The following RHOBTB2 variants were observed in gnomAD, a reference collection of about 807,000 sequenced individuals.
RHOBTB2 encodes Rho related BTB domain containing 2, also known as rho-related BTB domain-containing protein 2.
Under a neutral mutation model 66.5 loss-of-function variants are expected in RHOBTB2, and 39 were observed. The observed-to-expected ratio is 0.59, with a 90% CI of 0.45 to 0.77. The LOEUF (loss-of-function observed/expected upper bound fraction) is 0.77, where lower values mean the gene tolerates loss of function less well. Among genes scored for constraint, RHOBTB2 ranks in the 30% least tolerant of loss-of-function variants. The probability of loss-of-function intolerance (pLI) is 0.00; values close to 1 mark genes in which losing one functional copy is unlikely to be tolerated. For synonymous variants in RHOBTB2, 390 were observed against 395.0 expected, an observed-to-expected ratio of 0.99 and a Z score of 0.15; for missense variants, 755 against 999.1, an observed-to-expected ratio of 0.76 and a Z score of 3.29.
chr8:22,973,270 C>T, the RHOBTB2 span, among the ~76,000 whole-genome samples: 1 of 152,056 alleles, frequency 6.6e-6, no homozygotes, highest in Non-Finnish European at 1.5e-5. Context: ...ACTCCCTTGC[C>T]CAAGCTGGAG....
chr8:22,995,909 G>C (rs755469192), upstream of RHOBTB2: 1 of 1,549,862 alleles, frequency 6.5e-7, no homozygotes, highest in Non-Finnish European at 8.7e-7. Context: ...GTGTTGAAGG[G>C]TAAAGCTGCC....
chr8:22,977,288 A>G, the RHOBTB2 span, among the ~76,000 whole-genome samples: 1 of 152,078 alleles, frequency 6.6e-6, no homozygotes, highest in Non-Finnish European at 1.5e-5. Flanking sequence ...CTCAATAGAT[A>G]TTTGTCGAAG....
At chr8:22,996,051 C>T (rs966361855), upstream of RHOBTB2, among the ~76,000 whole-genome samples, 2 of 152,164 alleles carry the variant, frequency 1.3e-5, no homozygotes, top group African/African-American at 4.8e-5. Flanking sequence ...GAGCCTGCTG[C>T]GCTTTGCTAA....
upstream of RHOBTB2, among the ~76,000 whole-genome samples, chr8:22,984,014 G>T (rs1332042896): frequency 6.6e-6 from 1 of 152,142 alleles, no homozygotes; most frequent in Admixed American, 6.5e-5. Context: ...GATTACAGGC[G>T]TGAGCCACTG....
chr8:22,984,500 C>A (rs1810259712), upstream of RHOBTB2: 1 of 152,226 alleles, frequency 6.6e-6, no homozygotes, highest in South Asian at 2.1e-4. Context: ...GTGACTATAG[C>A]AGAAGGAGAC....
Position 23,007,290 on chromosome 8 carries a change from G to T in RHOBTB2, c.1045G>T (p.Glu349Ter). The T allele has an allele frequency of 6.2e-7, 1 of 1,613,720 alleles. No homozygotes were observed. Among genetic ancestry groups the T allele is most frequent in the South Asian group, 1.1e-5 (1 of 91,058 alleles). The change falls in exon 5 of 10, where the codon GAG (glutamate) becomes TAG (stop). Residue 349 changes from glutamate to a stop codon, truncating the protein, a stop_gained. Transcript: ENST00000251822. LOFTEE classifies it high-confidence loss of function. ...LLRAASFDVC[E>*]SVDEAGGSGP... The stretch of plus-strand genomic sequence containing the variant: ...CCGAGCAGCCAGCTTTGACGTGTGC[G>T]AGAGCGTGGATGAGGCTGGGGGCTC...
At chr8:23,000,603 G>A (rs1266159210) in intron 1 of RHOBTB2, among the ~76,000 whole-genome samples, 1 of 152,086 alleles carries the variant, frequency 6.6e-6, no homozygotes, top group African/African-American at 2.4e-5. Context: ...AGGTTTGAGG[G>A]GGCTTATCTG....
chr8:23,009,468 T>C (rs1811072010), intron 6 of RHOBTB2, among the ~76,000 whole-genome samples: 1 of 152,306 alleles, frequency 6.6e-6, no homozygotes, highest in South Asian at 2.1e-4. Flanking sequence ...TCGTCGAACC[T>C]TGTAGTTAAC....
Position 23,010,591 on chromosome 8 carries a change from C to G in RHOBTB2, c.1674C>G (p.Leu558=), listed in dbSNP as rs1352537726. The stretch of plus-strand genomic sequence containing the variant: ...GCATGCGGGCCGTGCTGGAATACCT[C>G]TACACCGGCATGTTCACCTCCAGCC... ...KSCMRAVLEY[L]YTGMFTSSPD... Residue 558 remains leucine, a synonymous_variant, in exon 7 of 10, where the codon CTC becomes CTG. Transcript: ENST00000251822. The G allele has an allele frequency of 1.2e-6, 2 of 1,614,060 alleles. No homozygotes were observed. Among genetic ancestry groups the G allele is most frequent in the Non-Finnish European group, 8.5e-7 (1 of 1,180,016 alleles).
At chr8:22,998,965 G>A (rs1467019437), upstream of RHOBTB2, 1 of 152,336 alleles carries the variant, frequency 6.6e-6, no homozygotes, top group Non-Finnish European at 1.5e-5. Flanking sequence ...AACAGGAGGG[G>A]GATGGGATGG....
Position 23,004,787 on chromosome 8 carries a change from G to T in RHOBTB2, c.192+161G>T, listed in dbSNP as rs996305729. On this transcript the variant is annotated intron_variant, in intron 2 of 9. Transcript: ENST00000251822. This position sits in a 1 kb window ranked among gnomAD's most constrained non-coding sequence, Gnocchi z 6.4. The stretch of plus-strand genomic sequence containing the variant: ...AAGAGGAAGGAGCCCCTGGAGAGAG[G>T]TTTAAGCCAAGTCTGCCCCAGGGAA... The T allele has an allele frequency of 4.4e-6, 3 of 686,858 alleles. No individual in the cohort carries two copies. Among genetic ancestry groups the T allele is most frequent in the Non-Finnish European group, 4.9e-6 (2 of 408,290 alleles). The allele number at this position is 686,858 out of a possible 1,614,324, so 42.5% of individuals were successfully genotyped here.
At chr8:22,984,430 T>C (rs991583024), upstream of RHOBTB2, among the ~76,000 whole-genome samples, 1 of 152,236 alleles carries the variant, frequency 6.6e-6, no homozygotes, top group African/African-American at 2.4e-5. Context: ...TGTTGTGTTT[T>C]ATGACTTAGA....
chr8:22,960,956 T>C, the RHOBTB2 span, among the ~76,000 whole-genome samples: 1 of 152,238 alleles, frequency 6.6e-6, no homozygotes, highest in Non-Finnish European at 1.5e-5. Context: ...CCCCTACTTG[T>C]TAGCCTGCTT....
Position 23,004,617 on chromosome 8 carries a change from G to T in RHOBTB2, c.183G>T (p.Val61=). The change falls in exon 2 of 10, where the codon GTG becomes GTT. Residue 61 remains valine, a synonymous_variant. Coordinates refer to ENST00000251822, the MANE Select transcript of RHOBTB2 (RefSeq NM_015178.3). This position sits in a 1 kb window ranked among gnomAD's most constrained non-coding sequence, Gnocchi z 6.4. The part of the protein sequence containing the change: ...PTVWAIDQYR[V]CQEVLERSRD... ...TATGGGCCATCGACCAATATCGTGT[G>T]TGCCAGGAGGTAAGGCTGCAGGACT... 1 of 1,613,004 alleles carries T rather than the reference G, an allele frequency of 6.2e-7. No individual in the cohort carries two copies. Among genetic ancestry groups the T allele is most frequent in the African/African-American group, 1.3e-5 (1 of 75,018 alleles).
In RHOBTB2 at chr8:23,008,080, G is replaced by A. The variant is rs1255503970; in HGVS notation, c.1589G>A (p.Gly530Glu). 1.2e-6 allele frequency: 2 copies of A among 1,612,810 alleles called. No homozygotes were observed. The highest frequency in any genetic ancestry group is 2.7e-5 in the African/African-American group (2 of 74,828). Residue 530 changes from glycine (G) to glutamate (E), a missense_variant, in exon 6 of 10, where the codon GGG becomes GAG. By Grantham distance (98) the Gly-to-Glu change is moderately conservative. Transcript: ENST00000251822. ...TGTGACTGGATGGCTGCCATGTTTG[G>A]GGGGCCATTTGTGGAGAGCTCCACC... ...SSCDWMAAMF[G>E]GPFVESSTRE...
chr8:22,982,290 A>G, the RHOBTB2 span, among the ~76,000 whole-genome samples: 6 of 152,014 alleles, frequency 3.9e-5, no homozygotes, highest in Non-Finnish European at 8.8e-5. Flanking sequence ...CTGCTCTACC[A>G]TCTCCTTCCA....
At chr8:22,963,851 G>A in the RHOBTB2 span, among the ~76,000 whole-genome samples, 1 of 151,888 alleles carries the variant, frequency 6.6e-6, no homozygotes, top group Non-Finnish European at 1.5e-5. Flanking sequence ...ATGTGATCTT[G>A]GCTCACCACA....
Position 23,007,664 on chromosome 8 carries a change from C to T in RHOBTB2, c.1419C>T (p.Phe473=), listed in dbSNP as rs1436095338. The T allele has an allele frequency of 7.4e-6, 12 of 1,614,090 alleles. No homozygotes were observed. Among genetic ancestry groups the T allele is most frequent in the Non-Finnish European group, 1.0e-5 (12 of 1,180,050 alleles). ...CCAACATTCTCAACAATGAGGCCTT[C>T]ATGAACCAGGAGATCACCAAGGCCT... ...MVANILNNEA[F]MNQEITKAFH... The change falls in exon 5 of 10, where the codon TTC becomes TTT. Residue 473 remains phenylalanine (F), a synonymous_variant. Coordinates refer to ENST00000251822, the MANE Select transcript of RHOBTB2 (RefSeq NM_015178.3).
At chr8:22,979,145 C>T in the RHOBTB2 span, among the ~76,000 whole-genome samples, 12 of 152,090 alleles carry the variant, frequency 7.9e-5, no homozygotes, top group South Asian at 4.1e-4. Flanking sequence ...ACAAAATCCA[C>T]CCATATTTGT....
Sources: allele counts gnomAD v4.1 joint callset (sites outside exome capture counted in the v4.1 genomes callset), GRCh38; gene constraint gnomAD v4.1.1; non-coding constraint Gnocchi (gnomAD v3.1); transcripts MANE v1.5; gene names NCBI Gene and HGNC (gene_info 2026-07-23, HGNC 2026-07-21).